LIPI: variants seen among roughly 807,000 people sequenced by gnomAD.
The protein encoded by LIPI is lipase member I.
In LIPI, 59 loss-of-function variants were observed where a neutral mutation model predicts 50.6. The observed-to-expected ratio is 1.16, with a 90% CI of 0.94 to 1.45. The LOEUF is 1.45. Ranked by LOEUF, LIPI falls within the 40% of genes most tolerant of loss-of-function variation. The pLI is 0.00. For synonymous variants in LIPI, 203 were observed against 178.2 expected (o/e 1.14, Z -1.11); for missense variants, 586 against 536.3 (o/e 1.09, Z -0.92).
rs369741684 is a variant in LIPI at position 14,173,291 on chromosome 21, C to A, written c.644-6840G>T. 1.6e-4 allele frequency among the ~76,000 whole-genome samples: 24 copies of A among 152,166 alleles called. No homozygotes were observed. The East Asian group carries it at 1.9e-3, about 12-fold the overall frequency. On this transcript the variant is annotated intron_variant, in intron 4 of 9. Coordinates refer to ENST00000681601, the MANE Select transcript of LIPI (RefSeq NM_001302998.2). ...TCACTTTTGGTCATAATTTCTAAGA[C>A]CTGCTGGTGCTGGATTCACTAACTG...
chr21:14,186,169 G>T, intron 2 of LIPI, 100 bp from the exon 3 acceptor site: 1 of 763,780 alleles, frequency 1.3e-6, no homozygotes, highest in Non-Finnish European at 2.3e-6. Context: ...TTATTTTTCT[G>T]GCTTGATTCA....
chr21:14,127,941 A>T (rs1214879121), intron 9 of LIPI, among the ~76,000 whole-genome samples: 1 of 152,258 alleles, frequency 6.6e-6, no homozygotes, highest in East Asian at 1.9e-4. Flanking sequence ...TGAAGGATCC[A>T]ATAATAAAGG....
intron 1 of LIPI, among the ~76,000 whole-genome samples, chr21:14,200,762 C>A (rs1356494528): frequency 6.6e-6 from 1 of 151,556 alleles, no homozygotes; most frequent in South Asian, 2.1e-4. Context: ...AAAAAAAAAA[C>A]TATTTTAAAA....
At chr21:14,162,486 A>T (rs2018532664) in intron 7 of LIPI, among the ~76,000 whole-genome samples, 1 of 151,838 alleles carries the variant, frequency 6.6e-6, no homozygotes, top group African/African-American at 2.4e-5. Flanking sequence ...TCTGATTAAG[A>T]TGGGTGCATT....
intron 1 of LIPI, among the ~76,000 whole-genome samples, chr21:14,198,182 C>T (rs1411778654): frequency 6.6e-6 from 1 of 152,010 alleles, no homozygotes; most frequent in Admixed American, 6.6e-5. Flanking sequence ...AAGTACACGA[C>T]CAGTGACACT....
chr21:14,147,433 T>A (rs1029498065), intron 8 of LIPI, among the ~76,000 whole-genome samples: 1 of 152,146 alleles, frequency 6.6e-6, no homozygotes, highest in Non-Finnish European at 1.5e-5. Flanking sequence ...CACCACAGTA[T>A]CCCCAGCACT....
rs141278719 is a variant in LIPI, at chr21:14,193,756, C to T, written c.47-4337G>A. ...AATATTACAAGAACAGAACCACAGG[C>T]GACAACAGAAAAAAAAAATGAGTAA... On this transcript the variant is annotated intron_variant, in intron 1 of 9. Transcript: ENST00000681601. Among the ~76,000 whole-genome samples the T allele has an allele frequency of 7.3e-3, 1,096 of 150,446 alleles. 12 individuals are homozygous for T. The highest frequency in any genetic ancestry group is 0.018 in the African/African-American group (744 of 40,890).
At chr21:14,171,174 C>G (rs1455822008) in intron 4 of LIPI, among the ~76,000 whole-genome samples, 2 of 151,240 alleles carry the variant, frequency 1.3e-5, no homozygotes, top group Non-Finnish European at 3.0e-5. Context: ...TGATTGACCT[C>G]TTCAAGAAGA....
chr21:14,175,552 C>T (rs921421260), intron 4 of LIPI, among the ~76,000 whole-genome samples: 7 of 152,048 alleles, frequency 4.6e-5, no homozygotes, highest in South Asian at 2.1e-4. Context: ...TATAATCTGA[C>T]ATTTTAATCT....
intron 4 of LIPI, among the ~76,000 whole-genome samples, chr21:14,175,066 A>G (rs780000434): frequency 7.2e-5 from 11 of 152,154 alleles, no homozygotes; most frequent in Non-Finnish European, 1.6e-4. Context: ...ACATATCACA[A>G]CTTATTTTTC....
At chr21:14,119,388 A>G (rs914766753) in intron 9 of LIPI, among the ~76,000 whole-genome samples, 1 of 152,208 alleles carries the variant, frequency 6.6e-6, no homozygotes, top group African/African-American at 2.4e-5. Flanking sequence ...TCTGTGGCCA[A>G]GGAGTTCAGT....
chr21:14,109,552 A>T (rs1204769628), intron 9 of LIPI, among the ~76,000 whole-genome samples: 1 of 152,222 alleles, frequency 6.6e-6, no homozygotes, highest in Middle Eastern at 3.4e-3. Context: ...GACAGATTTT[A>T]TATTTAATAT....
At chr21:14,203,792 T>A (rs147958997) in intron 1 of LIPI, among the ~76,000 whole-genome samples, 209 of 152,068 alleles carry the variant, frequency 1.4e-3, no homozygotes, top group African/African-American at 4.0e-3. Context: ...ATGGCACATG[T>A]ATACATATGT....
chr21:14,145,835 C>T (rs1367887631), intron 8 of LIPI, among the ~76,000 whole-genome samples: 1 of 152,136 alleles, frequency 6.6e-6, no homozygotes, highest in East Asian at 1.9e-4. Context: ...ACCCAGCACT[C>T]CCTGCCATCT....
At chr21:14,124,594 G>A (rs2016985240) in intron 9 of LIPI, among the ~76,000 whole-genome samples, 1 of 152,156 alleles carries the variant, frequency 6.6e-6, no homozygotes, top group African/African-American at 2.4e-5. Context: ...TGTGTAACAT[G>A]TAGTATAAAT....
intron 9 of LIPI, among the ~76,000 whole-genome samples, chr21:14,136,034 A>G (rs1323717493): frequency 1.3e-5 from 2 of 152,174 alleles, no homozygotes; most frequent in Admixed American, 6.5e-5. Context: ...TCCAGGCTCT[A>G]GCTCCTAGAA....
intron 8 of LIPI, among the ~76,000 whole-genome samples, chr21:14,149,724 A>G (rs1379254697): frequency 6.6e-6 from 1 of 152,100 alleles, no homozygotes; most frequent in Non-Finnish European, 1.5e-5. Context: ...CTGAAATCCA[A>G]TAGGGCAGTC....
At chr21:14,191,850 A>G (rs572108697) in intron 1 of LIPI, among the ~76,000 whole-genome samples, 1 of 152,314 alleles carries the variant, frequency 6.6e-6, no homozygotes, top group South Asian at 2.1e-4. Context: ...TGCTATCACC[A>G]CAAAAGCATC....
intron 9 of LIPI, among the ~76,000 whole-genome samples, chr21:14,122,455 T>G (rs2016899723): frequency 6.6e-6 from 1 of 152,180 alleles, no homozygotes; most frequent in Non-Finnish European, 1.5e-5. Context: ...AACACGGGTA[T>G]TACCTTATTC....
Sources: gnomAD v4.1 joint callset for allele counts (sites outside exome capture counted in the v4.1 genomes callset) on GRCh38, gnomAD v4.1.1 for gene constraint, MANE v1.5 for transcripts, NCBI Gene and HGNC (gene_info 2026-07-23, HGNC 2026-07-21) for gene names.